CDYL: variants seen among roughly 807,000 people sequenced by gnomAD.
CDYL encodes the protein chromodomain Y-like protein.
CDYL carries 8 observed loss-of-function variants against 47.3 expected under a neutral mutation model. The ratio of observed to expected loss-of-function variants is 0.17; its 90% CI spans 0.10 to 0.31. The LOEUF is 0.31. Among genes scored for constraint, CDYL ranks in the 10% least tolerant of loss-of-function variants. The probability of loss-of-function intolerance (pLI) is 1.00; values close to 1 mark genes in which losing one functional copy is unlikely to be tolerated. For missense variants in CDYL, 471 were observed against 701.4 expected, an observed-to-expected ratio of 0.67 and a Z score of 3.71; for synonymous variants, 266 against 265.0, an observed-to-expected ratio of 1.00 and a Z score of -0.04.
At chr6:4,844,328 G>A (rs1001041149) in intron 1 of CDYL, among the ~76,000 whole-genome samples, 1 of 152,184 alleles carries the variant, frequency 6.6e-6, no homozygotes, top group Admixed American at 6.5e-5. Flanking sequence ...AGTATAGGGA[G>A]GATCAGGTGG....
chr6:4,861,843 G>A (rs1276076268), intron 1 of CDYL, among the ~76,000 whole-genome samples: 4 of 152,146 alleles, frequency 2.6e-5, no homozygotes, highest in Admixed American at 2.6e-4. Context: ...TCTCCACTCA[G>A]CAAGCCTTTA....
At chr6:4,835,167 T>C (rs2127455825) in intron 1 of CDYL, among the ~76,000 whole-genome samples, 1 of 152,224 alleles carries the variant, frequency 6.6e-6, no homozygotes, top group East Asian at 1.9e-4. Flanking sequence ...GAGTTTCCAG[T>C]TTTTGTGCTC....
intron 3 of CDYL, among the ~76,000 whole-genome samples, chr6:4,752,983 T>C (rs1483775593): frequency 6.6e-6 from 1 of 152,010 alleles, no homozygotes; most frequent in Non-Finnish European, 1.5e-5. Flanking sequence ...AGCAGTGTGA[T>C]CTTGGCTCAC....
intron 1 of CDYL, among the ~76,000 whole-genome samples, chr6:4,825,123 G>A (rs1050351912): frequency 6.6e-6 from 1 of 152,052 alleles, no homozygotes; most frequent in Non-Finnish European, 1.5e-5. Context: ...CGCCAGCCTC[G>A]GCCTCCCAAA....
chr6:4,837,181 A>G (rs147046588), intron 1 of CDYL, among the ~76,000 whole-genome samples: 1 of 152,332 alleles, frequency 6.6e-6, no homozygotes, highest in Non-Finnish European at 1.5e-5. Context: ...AATTTGTTTT[A>G]TTTTACTAAT....
intron 1 of CDYL, among the ~76,000 whole-genome samples, chr6:4,793,158 C>T (rs1282550303): frequency 6.6e-6 from 1 of 152,196 alleles, no homozygotes; most frequent in African/African-American, 2.4e-5. Flanking sequence ...CATCTACACC[C>T]TGGAATCATC....
chr6:4,849,682 GAAA>G (rs74855632), intron 1 of CDYL, among the ~76,000 whole-genome samples: 1 of 137,074 alleles, frequency 7.3e-6, no homozygotes, highest in Non-Finnish European at 1.6e-5. Context: ...GTCATGCCAG[GAAA>G]AAAAAAAAAA....
chr6:4,931,915 A>G (rs967975330), intron 2 of CDYL, among the ~76,000 whole-genome samples: 2 of 152,220 alleles, frequency 1.3e-5, no homozygotes, highest in African/African-American at 4.8e-5. Context: ...CGTAGGGACT[A>G]TCGCCTCAAA....
intron 3 of CDYL, among the ~76,000 whole-genome samples, chr6:4,760,671 G>A (rs759433315): frequency 1.3e-5 from 2 of 152,142 alleles, no homozygotes; most frequent in African/African-American, 2.4e-5. Context: ...CTGGACCTAC[G>A]CTATGAGGAA....
At chr6:4,945,306 G>A (rs746034979) in intron 5 of CDYL, among the ~76,000 whole-genome samples, 2 of 152,138 alleles carry the variant, frequency 1.3e-5, no homozygotes, top group Non-Finnish European at 1.5e-5. Flanking sequence ...TCATCTTCCT[G>A]CATCTAAACG....
At chr6:4,779,925 T>G (rs910366117) in intron 1 of CDYL, among the ~76,000 whole-genome samples, 1 of 152,226 alleles carries the variant, frequency 6.6e-6, no homozygotes, top group African/African-American at 2.4e-5. Context: ...ATATTTCATA[T>G]CATTTTATGT....
intron 1 of CDYL, among the ~76,000 whole-genome samples, chr6:4,802,697 A>C (rs1390390829): frequency 1.3e-5 from 2 of 151,586 alleles, no homozygotes; most frequent in Non-Finnish European, 2.9e-5. Flanking sequence ...TTGTGCTTTC[A>C]TTGCTTTTAG....
chr6:4,722,212 TC>T (rs1440715530), intron 2 of CDYL, among the ~76,000 whole-genome samples: 1 of 152,100 alleles, frequency 6.6e-6, no homozygotes, highest in African/African-American at 2.4e-5. Flanking sequence ...ATACCTTTAA[TC>T]CCAGTACTTT....
intron 1 of CDYL, among the ~76,000 whole-genome samples, chr6:4,846,810 A>G (rs1166534790): frequency 6.6e-6 from 1 of 152,250 alleles, no homozygotes; most frequent in Non-Finnish European, 1.5e-5. Context: ...CAGATTGGAC[A>G]TTGAGACAGC....
intron 2 of CDYL, among the ~76,000 whole-genome samples, chr6:4,927,428 C>CGCGTGTGTGTGT (rs1554108576): frequency 5.6e-5 from 8 of 142,562 alleles, no homozygotes; most frequent in Admixed American, 1.4e-4. Context: ...ATTTACTGTA[C>CGCGTGTGTGTGT]GTGTGTGTGT....
chr6:4,733,669 T>G (rs573318611), intron 2 of CDYL, among the ~76,000 whole-genome samples: 5 of 152,272 alleles, frequency 3.3e-5, no homozygotes, highest in African/African-American at 1.2e-4. Flanking sequence ...ATCTCAGGTA[T>G]GAAAATTTCA....
rs1759376852 is a variant in CDYL, at chr6:4,806,571, G to A, written c.24+29764G>A. On this transcript the variant is annotated intron_variant, in intron 1 of 6. Transcript: ENST00000397588. ...TAGCACAGTTACCAAAACCGGGAAA[G>A]TCTTTGGGAGGAGCTATGCAGGCTG... 5.9e-5 allele frequency among the ~76,000 whole-genome samples: 9 copies of A among 152,328 alleles called. No homozygotes were observed. The South Asian group carries it at 1.9e-3, about 32-fold the overall frequency.
chr6:4,859,711 C>T (rs1761108852), intron 1 of CDYL, among the ~76,000 whole-genome samples: 1 of 152,148 alleles, frequency 6.6e-6, no homozygotes, highest in Non-Finnish European at 1.5e-5. Context: ...AGAATGCTTT[C>T]TAACTTAGAT....
At chr6:4,808,504 C>A (rs1445044836) in intron 1 of CDYL, among the ~76,000 whole-genome samples, 1 of 152,242 alleles carries the variant, frequency 6.6e-6, no homozygotes, top group Non-Finnish European at 1.5e-5. Flanking sequence ...TAACCCAAAT[C>A]CCTCTGAGAA....
Sources: gnomAD v4.1 joint callset for allele counts (sites outside exome capture counted in the v4.1 genomes callset) on GRCh38, gnomAD v4.1.1 for gene constraint, MANE v1.5 for transcripts, NCBI Gene and HGNC (gene_info 2026-07-23, HGNC 2026-07-21) for gene names.